ASCC1: variants seen among roughly 807,000 people sequenced by gnomAD.
ASCC1 encodes the protein activating signal cointegrator 1 complex subunit 1, also known as ASC-1 complex subunit P50.
ASCC1 carries 35 observed loss-of-function variants against 46.6 expected under a neutral mutation model. That is an observed-to-expected ratio of 0.75 (90% CI 0.57 to 0.99). ASCC1 has a LOEUF of 0.99. Among genes scored for constraint, ASCC1 ranks in the 50% least tolerant of loss-of-function variants. The pLI, the probability that ASCC1 is intolerant of heterozygous loss-of-function variation, is 0.00. For missense variants in ASCC1, 376 were observed against 428.7 expected, an observed-to-expected ratio of 0.88 and a Z score of 1.09; for synonymous variants, 143 against 146.6, an observed-to-expected ratio of 0.98 and a Z score of 0.18.
intron 7 of ASCC1, among the ~76,000 whole-genome samples, chr10:72,144,006 T>A (rs1724342466): frequency 6.6e-6 from 1 of 152,012 alleles, no homozygotes; most frequent in Admixed American, 6.6e-5. Flanking sequence ...TTTCTTTCTT[T>A]TTTTTTTAAC....
chr10:72,101,922 C>T (rs368099344), intron 9 of ASCC1, among the ~76,000 whole-genome samples: 1 of 151,752 alleles, frequency 6.6e-6, no homozygotes, highest in Admixed American at 6.6e-5. Context: ...AAACACAGAC[C>T]GGAGCTAAAT....
At chr10:72,107,963 G>A (rs562204889) in intron 9 of ASCC1, among the ~76,000 whole-genome samples, 14 of 150,962 alleles carry the variant, frequency 9.3e-5, no homozygotes, top group African/African-American at 3.4e-4. Context: ...CCTTTTAACT[G>A]TTGATCTTCA....
chr10:72,205,836 G>T (rs1480610781), intron 3 of ASCC1, among the ~76,000 whole-genome samples: 1 of 151,634 alleles, frequency 6.6e-6, no homozygotes, highest in African/African-American at 2.4e-5. Context: ...TTTGGCTGGG[G>T]GTGGTGTCTC....
At chr10:72,199,390 C>T (rs1331444646) in intron 4 of ASCC1, among the ~76,000 whole-genome samples, 1 of 151,414 alleles carries the variant, frequency 6.6e-6, no homozygotes, top group Admixed American at 6.6e-5. Flanking sequence ...CTCCGCCTCC[C>T]GGGTTCAAGC....
intron 5 of ASCC1, among the ~76,000 whole-genome samples, chr10:72,188,114 A>G (rs925671712): frequency 1.4e-5 from 2 of 146,128 alleles, no homozygotes; most frequent in African/African-American, 5.1e-5. Flanking sequence ...GGTTTCTAAT[A>G]CTTCTTCTTT....
rs1448197674 is a variant in ASCC1 at position 72,096,341 on chromosome 10, G to A, written c.*993C>T. ...ACATTCTTCCAGGGAACTCTGCACA[G>A]TCCTGCTGATATCATCAGTTTCTTT... On this transcript the variant is annotated 3_prime_UTR_variant, in exon 10 of 10. Transcript: ENST00000672957. 8.8e-6 allele frequency: 4 copies of A among 453,970 alleles called. No individual in the cohort carries two copies. The highest frequency in any genetic ancestry group is 1.8e-5 in the Non-Finnish European group (4 of 226,798). The allele number at this position is 453,970 out of a possible 1,614,324, so 28.1% of individuals were successfully genotyped here.
chr10:72,159,356 G>A (rs1366624513), intron 6 of ASCC1: 3 of 152,176 alleles, frequency 2.0e-5, no homozygotes, highest in African/African-American at 7.2e-5. Flanking sequence ...AAACATAAAA[G>A]GGAGGAACTC....
chr10:72,128,403 G>C (rs753573199), intron 8 of ASCC1, among the ~76,000 whole-genome samples: 1 of 152,130 alleles, frequency 6.6e-6, no homozygotes, highest in African/African-American at 2.4e-5. Context: ...ACATTCTCCA[G>C]GCACTCACTA....
rs145474738 is a variant in ASCC1, at chr10:72,208,002, T to C, written c.212+2730A>G. Among the ~76,000 whole-genome samples, 826 of 152,096 alleles carry C rather than the reference T, an allele frequency of 5.4e-3. 35 individuals are homozygous for C. The highest frequency in any genetic ancestry group is 0.05 in the Admixed American group (759 of 15,240). On this transcript the variant is annotated intron_variant, in intron 3 of 9. Transcript: ENST00000672957. ...AATTTATTTTTTTTATTTTTATTTT[T>C]TGTTGTAGAAACAGGGTCTCACCAT...
At chr10:72,112,845 C>G (rs1374593426) in intron 9 of ASCC1, among the ~76,000 whole-genome samples, 2 of 145,974 alleles carry the variant, frequency 1.4e-5, no homozygotes, top group South Asian at 2.2e-4. Context: ...TCCACTGCAC[C>G]CCAGCCTGGG....
chr10:72,118,551 G>A (rs998947636), intron 9 of ASCC1, among the ~76,000 whole-genome samples: 6 of 151,940 alleles, frequency 3.9e-5, no homozygotes, highest in Middle Eastern at 3.2e-3. Flanking sequence ...AGGCCAAGGC[G>A]GGTGGATTAC....
intron 6 of ASCC1, among the ~76,000 whole-genome samples, chr10:72,161,103 G>A (rs1376055269): frequency 1.3e-5 from 2 of 150,324 alleles, no homozygotes; most frequent in East Asian, 3.9e-4. Context: ...AAAAAAGAAA[G>A]TAAGTCAGTA....
intron 9 of ASCC1, among the ~76,000 whole-genome samples, chr10:72,104,621 CTGT>C (rs1219877108): frequency 2.0e-5 from 3 of 152,098 alleles, no homozygotes; most frequent in Non-Finnish European, 4.4e-5. Context: ...TTTCTCCTCA[CTGT>C]TGTTTTATAA....
intron 8 of ASCC1, among the ~76,000 whole-genome samples, chr10:72,131,429 A>T (rs1249894709): frequency 2.0e-4 from 22 of 108,724 alleles, no homozygotes; most frequent in Non-Finnish European, 1.9e-5. Flanking sequence ...TCAAAAAAAT[A>T]AAATAAAAAT....
chr10:72,165,077 C>T (rs924696130), intron 5 of ASCC1, among the ~76,000 whole-genome samples: 1 of 152,082 alleles, frequency 6.6e-6, no homozygotes, highest in African/African-American at 2.4e-5. Flanking sequence ...TCATTAATCT[C>T]ATTCTGCAAA....
chr10:72,112,847 C>G (rs1205302569), intron 9 of ASCC1, among the ~76,000 whole-genome samples: 1 of 145,354 alleles, frequency 6.9e-6, no homozygotes, highest in Non-Finnish European at 1.5e-5. Context: ...CACTGCACCC[C>G]AGCCTGGGCA....
chr10:72,118,287 A>C (rs1311555263), intron 9 of ASCC1, among the ~76,000 whole-genome samples: 1 of 151,918 alleles, frequency 6.6e-6, no homozygotes, highest in African/African-American at 2.4e-5. Context: ...GAATGGCGTG[A>C]ACCCGGGAGG....
intron 9 of ASCC1, among the ~76,000 whole-genome samples, chr10:72,106,571 C>A (rs1842367254): frequency 6.6e-6 from 1 of 151,276 alleles, no homozygotes; most frequent in African/African-American, 2.4e-5. Context: ...AATAATAACA[C>A]TTAACCACCT....
intron 8 of ASCC1, among the ~76,000 whole-genome samples, chr10:72,131,822 C>A (rs1338018154): frequency 6.7e-6 from 1 of 150,366 alleles, no homozygotes; most frequent in Non-Finnish European, 1.5e-5. Context: ...TAAAAACCTA[C>A]AAATAGTCAA....
Sources: allele counts gnomAD v4.1 joint callset (sites outside exome capture counted in the v4.1 genomes callset), GRCh38; gene constraint gnomAD v4.1.1; transcripts MANE v1.5; gene names NCBI Gene and HGNC (gene_info 2026-07-23, HGNC 2026-07-21).